Variants in GLCCI1 observed in about 807,000 individuals in gnomAD.
GLCCI1 encodes the protein glucocorticoid-induced transcript 1 protein.
GLCCI1 carries 24 observed loss-of-function variants against 52.2 expected under a neutral mutation model. The observed-to-expected ratio is 0.46, with a 90% CI of 0.33 to 0.65. GLCCI1 has a LOEUF of 0.65. Among genes scored for constraint, GLCCI1 ranks in the 30% least tolerant of loss-of-function variants. The probability of loss-of-function intolerance (pLI) is 0.02; values close to 1 mark genes in which losing one functional copy is unlikely to be tolerated. For synonymous variants in GLCCI1, 310 were observed against 276.5 expected (o/e 1.12, Z -1.20); for missense variants, 704 against 701.5 (o/e 1.00, Z -0.04).
chr7:8,084,530 C>T (rs73053580), intron 6 of GLCCI1: 3 of 162,888 alleles, frequency 1.8e-5, no homozygotes, highest in Non-Finnish European at 4.0e-5. Flanking sequence ...GTAGAGAACC[C>T]TGTATCATTA....
intron 5 of GLCCI1, among the ~76,000 whole-genome samples, chr7:8,061,801 G>A (rs1454798264): frequency 6.6e-6 from 1 of 151,172 alleles, no homozygotes; most frequent in Non-Finnish European, 1.5e-5. Context: ...TGAGTAGCTG[G>A]GATTACAGGC....
At chr7:8,078,208 TAA>T (rs5882151) in intron 6 of GLCCI1, among the ~76,000 whole-genome samples, 15 of 86,208 alleles carry the variant, frequency 1.7e-4, no homozygotes, top group East Asian at 6.3e-4. Context: ...GACTCCGTCT[TAA>T]AAAAAAAAAA....
chr7:8,086,413 T>C lies in GLCCI1; in HGVS notation c.1519T>C (p.Ser507Pro). The change falls in exon 8 of 8, where the codon TCT (serine) becomes CCT (proline). Residue 507 changes from serine to proline, a missense_variant. Ser to Pro is a moderately conservative substitution (Grantham distance 74). Transcript: ENST00000223145. This position sits in a 1 kb window ranked among gnomAD's most constrained non-coding sequence, Gnocchi z 4.4. ...LSSRVSFTSL[S>P]DDTSTAGSME... ...ATCCCGGGTTTCCTTTACGTCTCTT[T>C]CTGATGACACCAGCACAGCGGGCTC... The C allele has an allele frequency of 6.2e-7, 1 of 1,614,170 alleles. No homozygotes were observed. Among genetic ancestry groups the C allele is most frequent in the Non-Finnish European group, 8.5e-7 (1 of 1,180,030 alleles).
At chr7:8,083,322 A>G (rs187564936) in intron 6 of GLCCI1, among the ~76,000 whole-genome samples, 2 of 152,158 alleles carry the variant, frequency 1.3e-5, no homozygotes, top group African/African-American at 4.8e-5. Flanking sequence ...AGGTCAAGCC[A>G]TATTTTTTAT....
intron 2 of GLCCI1, among the ~76,000 whole-genome samples, chr7:8,020,885 G>A (rs576432799): frequency 6.6e-6 from 1 of 152,208 alleles, no homozygotes; most frequent in Non-Finnish European, 1.5e-5. Flanking sequence ...GATTTGGAGG[G>A]TTGAATTATT....
At chr7:8,004,159 A>G in intron 2 of GLCCI1, 100 bp downstream of exon 2, 1 of 1,108,210 alleles carries the variant, frequency 9.0e-7, no homozygotes, top group Non-Finnish European at 1.3e-6. Flanking sequence ...CAAATTTGAA[A>G]TACATCCAAC....
At chr7:8,003,465 C>T (rs1405109363) in intron 1 of GLCCI1, among the ~76,000 whole-genome samples, 1 of 152,066 alleles carries the variant, frequency 6.6e-6, no homozygotes, top group Non-Finnish European at 1.5e-5. Context: ...ATCGTGAAAG[C>T]TTATTATGTC....
intron 2 of GLCCI1, among the ~76,000 whole-genome samples, chr7:8,010,174 GTCTATT>G (rs1457751803): frequency 2.0e-5 from 3 of 152,114 alleles, no homozygotes; most frequent in Admixed American, 2.0e-4. Context: ...CTTTTGAAAT[GTCTATT>G]AAACTAGAAG....
chr7:7,992,453 C>A (rs1043306300), intron 1 of GLCCI1, among the ~76,000 whole-genome samples: 1 of 151,922 alleles, frequency 6.6e-6, no homozygotes, highest in African/African-American at 2.4e-5. Flanking sequence ...AACAATATTC[C>A]GTAAGTTCTT....
rs148476116 is a variant in GLCCI1, at chr7:7,992,415, T to G, written c.458-11493T>G. Among the ~76,000 whole-genome samples the G allele has an allele frequency of 1.2e-3, 187 of 152,176 alleles. 1 individual carries two copies. Among genetic ancestry groups the G allele is most frequent in the African/African-American group, 4.2e-3 (175 of 41,540 alleles). On this transcript the variant is annotated intron_variant, in intron 1 of 7. Coordinates refer to ENST00000223145, the MANE Select transcript of GLCCI1 (RefSeq NM_138426.4). ...AGGCTTTTGATTGAAGAGCATTCTCTAATAGATTTTCAGGAAAGACTCATA... is the reference window on the plus strand; with the variant it reads ...AGGCTTTTGATTGAAGAGCATTCTCGAATAGATTTTCAGGAAAGACTCATA...
chr7:7,993,697 C>T (rs2115418369), intron 1 of GLCCI1, among the ~76,000 whole-genome samples: 1 of 151,848 alleles, frequency 6.6e-6, no homozygotes, highest in East Asian at 1.9e-4. Flanking sequence ...TCTCCCAACT[C>T]ATTTATATTT....
intron 3 of GLCCI1, among the ~76,000 whole-genome samples, chr7:8,047,549 C>T (rs1782159902): frequency 6.6e-6 from 1 of 152,184 alleles, no homozygotes; most frequent in South Asian, 2.1e-4. Flanking sequence ...CATTCATTAT[C>T]AGCCTTTGGT....
At chr7:8,038,487 C>G (rs891428259) in intron 3 of GLCCI1, among the ~76,000 whole-genome samples, 1 of 152,048 alleles carries the variant, frequency 6.6e-6, no homozygotes, top group Non-Finnish European at 1.5e-5. Context: ...ACAAAGTTGA[C>G]AAAACATATG....
rs547239305 is a variant in GLCCI1 at position 8,070,866 on chromosome 7, A to C, written c.967-55A>C. On this transcript the variant is annotated intron_variant, in intron 5 of 7. Transcript: ENST00000223145. ...TCAAGGGAAATACTATGTGCTTTCT[A>C]TGTAGATGAATATATGCACCAGCAT... The C allele has an allele frequency of 2.8e-6, 4 of 1,446,770 alleles. No homozygotes were observed. In the African/African-American group the frequency reaches 4.2e-5, roughly 15 times the overall value. The allele number at this position is 1,446,770 out of a possible 1,614,324, so 89.6% of individuals were successfully genotyped here. A position where few individuals can be genotyped will look rare whatever the true frequency, so the allele number is the denominator to read the frequency against.
chr7:8,008,732 A>G (rs749567292), intron 2 of GLCCI1, among the ~76,000 whole-genome samples: 1 of 152,196 alleles, frequency 6.6e-6, no homozygotes, highest in Non-Finnish European at 1.5e-5. Flanking sequence ...ACAAATACTG[A>G]ACTCAGATGT....
Position 7,991,821 on chromosome 7 carries a change from A to G in GLCCI1, c.458-12087A>G, listed in dbSNP as rs114142966. On this transcript the variant is annotated intron_variant, in intron 1 of 7. Transcript: ENST00000223145. ...TCTTAATGCTTTCCTGGTTCTTGCT[A>G]TAGACTTCCATAGGATGCACTTGGA... 6.0e-3 allele frequency among the ~76,000 whole-genome samples: 908 copies of G among 152,164 alleles called. 5 individuals are homozygous for G. Among genetic ancestry groups the G allele is most frequent in the African/African-American group, 0.02 (843 of 41,548 alleles).
intron 1 of GLCCI1, chr7:7,980,258 C>T (rs1780584629): frequency 1.3e-5 from 2 of 153,172 alleles, no homozygotes; most frequent in Admixed American, 1.3e-4. Context: ...TTAGTTTTTG[C>T]CTTAAAGAAT....
At chr7:7,975,040 A>G (rs1317335336) in intron 1 of GLCCI1, among the ~76,000 whole-genome samples, 1 of 152,160 alleles carries the variant, frequency 6.6e-6, no homozygotes, top group Non-Finnish European at 1.5e-5. Context: ...AAGTACTCAT[A>G]TATTGATATA....
intron 1 of GLCCI1, among the ~76,000 whole-genome samples, chr7:7,990,719 A>G (rs1780823552): frequency 6.6e-6 from 1 of 152,082 alleles, no homozygotes; most frequent in Non-Finnish European, 1.5e-5. Flanking sequence ...TTCCGACTTT[A>G]TGAAGCACTC....
Sources: allele counts gnomAD v4.1 joint callset (sites outside exome capture counted in the v4.1 genomes callset), GRCh38; gene constraint gnomAD v4.1.1; non-coding constraint Gnocchi (gnomAD v3.1); transcripts MANE v1.5; gene names NCBI Gene and HGNC (gene_info 2026-07-23, HGNC 2026-07-21).